PLEKHM3: variants seen among roughly 807,000 people sequenced by gnomAD.
PLEKHM3 encodes pleckstrin homology domain-containing family M member 3.
A neutral mutation model predicts 81.8 loss-of-function variants in PLEKHM3; 45 were observed. That is an observed-to-expected ratio of 0.55 (90% CI 0.43 to 0.71). PLEKHM3 has a LOEUF of 0.71. Ranked by LOEUF, PLEKHM3 falls within the 30% of genes least tolerant of loss-of-function variation. The pLI, the probability that PLEKHM3 is intolerant of heterozygous loss-of-function variation, is 0.00. For synonymous variants in PLEKHM3, 352 were observed against 356.4 expected (o/e 0.99, Z 0.14); for missense variants, 788 against 924.3 (o/e 0.85, Z 1.91).
intron 3 of PLEKHM3, among the ~76,000 whole-genome samples, chr2:207,950,474 G>A (rs1690292744): frequency 6.6e-6 from 1 of 152,190 alleles, no homozygotes; most frequent in African/African-American, 2.4e-5. Flanking sequence ...AGACGTTTGT[G>A]AGAAATATGG....
In PLEKHM3 at chr2:207,823,088, C is replaced by T. The variant is rs1174001640; in HGVS notation, c.*5231G>A. Reference sequence around the variant, plus strand: ...CTGAATCTTCTACTCTGGGCAACAACCAGCTTCATTCAAAGTCTGGAACTT... The same window carrying T: ...CTGAATCTTCTACTCTGGGCAACAATCAGCTTCATTCAAAGTCTGGAACTT... On this transcript the variant is annotated 3_prime_UTR_variant, in exon 8 of 8. Coordinates refer to ENST00000427836, the MANE Select transcript of PLEKHM3 (RefSeq NM_001080475.3). 1 of 152,082 alleles carries T rather than the reference C, an allele frequency of 6.6e-6. No individual in the cohort carries two copies. The highest frequency in any genetic ancestry group is 1.5e-5 in the Non-Finnish European group (1 of 68,012). 9.4% of individuals were successfully genotyped at this position (152,082 alleles called of 1,614,324 possible).
chr2:207,965,510 C>T (rs1372471862), intron 3 of PLEKHM3, among the ~76,000 whole-genome samples: 1 of 151,800 alleles, frequency 6.6e-6, no homozygotes, highest in African/African-American at 2.4e-5. Flanking sequence ...CAAAGACCAA[C>T]ATGTGACTTC....
intron 6 of PLEKHM3, among the ~76,000 whole-genome samples, chr2:207,895,648 T>C (rs1270252043): frequency 6.6e-6 from 1 of 152,180 alleles, no homozygotes; most frequent in African/African-American, 2.4e-5. Context: ...GGGCTCTCTG[T>C]TGTTAGCCCA....
chr2:207,912,817 T>TA (rs1688851145), intron 5 of PLEKHM3, among the ~76,000 whole-genome samples: 2 of 152,202 alleles, frequency 1.3e-5, no homozygotes, highest in Admixed American at 6.5e-5. Context: ...CCAGATAACT[T>TA]ACGCACACTG....
At chr2:207,894,090 T>G (rs927856011) in intron 6 of PLEKHM3, among the ~76,000 whole-genome samples, 8 of 152,306 alleles carry the variant, frequency 5.3e-5, no homozygotes, top group Admixed American at 3.9e-4. Flanking sequence ...CATTCCAGCC[T>G]GGGTGACAGA....
At chr2:207,866,408 C>T (rs879361489) in intron 6 of PLEKHM3, among the ~76,000 whole-genome samples, 9 of 152,146 alleles carry the variant, frequency 5.9e-5, no homozygotes, top group African/African-American at 1.2e-4. Context: ...CTGCCTGCCT[C>T]GGCCTCCCAA....
intron 7 of PLEKHM3, among the ~76,000 whole-genome samples, chr2:207,844,337 C>T: frequency 7.0e-6 from 1 of 142,794 alleles, no homozygotes; most frequent in East Asian, 2.0e-4. Flanking sequence ...GAGTCTCGCT[C>T]TGTTGCCCAG....
chr2:207,829,401 C>T lies in PLEKHM3; in HGVS notation c.2109-905G>A, dbSNP rs551884812. On this transcript the variant is annotated intron_variant, in intron 7 of 7. Coordinates refer to ENST00000427836, the MANE Select transcript of PLEKHM3 (RefSeq NM_001080475.3). ...AAGTGATCCTCCCACCTCAGCCTCC[C>T]GAGTAGTTGGGACTACAGGCACCCA... is the stretch of plus-strand genomic sequence containing the variant. 1.6e-4 allele frequency among the ~76,000 whole-genome samples: 24 copies of T among 152,216 alleles called. No individual in the cohort carries two copies. In the South Asian group the frequency reaches 4.2e-3, roughly 26 times the overall value.
intron 6 of PLEKHM3, among the ~76,000 whole-genome samples, chr2:207,894,841 G>A (rs1688171331): frequency 6.6e-6 from 1 of 152,184 alleles, no homozygotes; most frequent in East Asian, 1.9e-4. Context: ...GCTTGGGTTT[G>A]AATCCCAGCT....
At chr2:207,892,861 T>G (rs1445312514) in intron 6 of PLEKHM3, among the ~76,000 whole-genome samples, 1 of 152,196 alleles carries the variant, frequency 6.6e-6, no homozygotes, top group Non-Finnish European at 1.5e-5. Context: ...GGAGACAGAC[T>G]GCCTGCCTCG....
At chr2:207,925,613 CAG>C (rs1029704511) in intron 5 of PLEKHM3, among the ~76,000 whole-genome samples, 2 of 152,178 alleles carry the variant, frequency 1.3e-5, no homozygotes. Flanking sequence ...CAACTTAACG[CAG>C]AGTTTATAAT....
chr2:208,012,773 TC>T (rs1692746117), intron 1 of PLEKHM3, among the ~76,000 whole-genome samples: 1 of 152,244 alleles, frequency 6.6e-6, no homozygotes, highest in Non-Finnish European at 1.5e-5. Context: ...CCTGCTCCCA[TC>T]TACCTGAGAA....
intron 5 of PLEKHM3, among the ~76,000 whole-genome samples, chr2:207,926,750 C>T (rs1199423430): frequency 6.6e-6 from 1 of 152,198 alleles, no homozygotes; most frequent in Non-Finnish European, 1.5e-5. Context: ...TCAAGATGTG[C>T]AGTGTGGGTT....
intron 7 of PLEKHM3, among the ~76,000 whole-genome samples, chr2:207,844,729 G>C (rs1296282304): frequency 2.6e-5 from 4 of 152,156 alleles, no homozygotes; most frequent in African/African-American, 9.7e-5. Context: ...CCACAAGTGA[G>C]ACTAGTTAAA....
At chr2:207,896,431 TAAAA>T (rs1223657418) in intron 6 of PLEKHM3, among the ~76,000 whole-genome samples, 1 of 152,164 alleles carries the variant, frequency 6.6e-6, no homozygotes, top group Non-Finnish European at 1.5e-5. Flanking sequence ...CGGGTTAAGT[TAAAA>T]ATCCATTTTT....
intron 1 of PLEKHM3, among the ~76,000 whole-genome samples, chr2:208,012,526 T>C (rs1692737077): frequency 6.6e-6 from 1 of 152,236 alleles, no homozygotes. Flanking sequence ...GCCCTGATGT[T>C]AGTAGAAGGA....
intron 2 of PLEKHM3, among the ~76,000 whole-genome samples, chr2:207,979,346 C>T (rs1282082297): frequency 6.6e-6 from 1 of 151,982 alleles, no homozygotes; most frequent in Non-Finnish European, 1.5e-5. Flanking sequence ...ACCAGCCTGG[C>T]CAACATGGCG....
chr2:207,848,789 T>C (rs911020885), intron 7 of PLEKHM3, among the ~76,000 whole-genome samples: 2 of 152,146 alleles, frequency 1.3e-5, no homozygotes, highest in African/African-American at 4.8e-5. Flanking sequence ...ATTCAAAACG[T>C]TGAGCGTGTT....
At chr2:207,830,015 CG>C (rs1559198215) in intron 7 of PLEKHM3, among the ~76,000 whole-genome samples, 1 of 151,692 alleles carries the variant, frequency 6.6e-6, no homozygotes, top group African/African-American at 2.4e-5. Context: ...CACACTGTTG[CG>C]GGGTGGGGGG....
Sources: gnomAD v4.1 joint callset for allele counts (sites outside exome capture counted in the v4.1 genomes callset) on GRCh38, gnomAD v4.1.1 for gene constraint, MANE v1.5 for transcripts, NCBI Gene and HGNC (gene_info 2026-07-23, HGNC 2026-07-21) for gene names.